ATP2B2: variants seen among roughly 807,000 people sequenced by gnomAD.
ATP2B2 encodes the protein ATPase plasma membrane Ca2+ transporting 2, also known as plasma membrane calcium-transporting ATPase 2.
A neutral mutation model predicts 120.0 loss-of-function variants in ATP2B2; 15 were observed. The ratio of observed to expected loss-of-function variants is 0.12; its 90% confidence interval spans 0.08 to 0.19. ATP2B2 has a LOEUF of 0.19. Among genes scored for constraint, ATP2B2 ranks in the 10% least tolerant of loss-of-function variants. The probability of loss-of-function intolerance (pLI) is 1.00; values close to 1 mark genes in which losing one functional copy is unlikely to be tolerated. For missense variants in ATP2B2, 1,045 were observed against 1,719.8 expected (o/e 0.61, Z 6.94); for synonymous variants, 694 against 700.3 (o/e 0.99, Z 0.14).
chr3:10,654,113 T>C (rs1225553625), intron 1 of ATP2B2, among the ~76,000 whole-genome samples: 1 of 152,196 alleles, frequency 6.6e-6, no homozygotes, highest in Non-Finnish European at 1.5e-5. Flanking sequence ...GAGGCAGGCT[T>C]TGTTGTTCTC....
At chr3:10,659,161 C>T (rs1320235291) in intron 1 of ATP2B2, among the ~76,000 whole-genome samples, 9 of 152,118 alleles carry the variant, frequency 5.9e-5, no homozygotes, top group Admixed American at 2.0e-4. Context: ...TAAAGACCAT[C>T]GATGCTAGGA....
At position 10,438,056 on chromosome 3, in the gene ATP2B2, C is replaced by G. The variant is rs2063533906; in HGVS notation, c.199+11289G>C. ...GGCTCTGCAGGGAGCCAGGAGGTTG[C>G]AGGGGAGAGCAGGGAGGGGGGTGGC... is the stretch of plus-strand genomic sequence containing the variant. On this transcript the variant is annotated intron_variant, in intron 2 of 22. Coordinates refer to ENST00000360273, the MANE Select transcript of ATP2B2 (RefSeq NM_001001331.4). Among the ~76,000 whole-genome samples, 3 of 152,028 alleles carry G rather than the reference C, an allele frequency of 2.0e-5. No homozygotes were observed. The South Asian group carries it at 6.2e-4, about 32-fold the overall frequency.
At chr3:10,469,563 G>C (rs2125273334) in intron 1 of ATP2B2, among the ~76,000 whole-genome samples, 3 of 152,336 alleles carry the variant, frequency 2.0e-5, no homozygotes, top group Admixed American at 2.0e-4. Flanking sequence ...GGGGGTCAGG[G>C]AATTCTCCAT....
chr3:10,359,267 C>T lies in ATP2B2; in HGVS notation c.1902-342G>A, dbSNP rs537272645. On this transcript the variant is annotated intron_variant, in intron 13 of 22. Transcript: ENST00000360273. ...TGCTTGGAGGAGCCTTTAATAAATA[C>T]CCACGTGCGAGCCTTGCCCCAGAGG... is the stretch of plus-strand genomic sequence containing the variant. Among the ~76,000 whole-genome samples, 4 of 152,306 alleles carry T rather than the reference C, an allele frequency of 2.6e-5. No individual in the cohort carries two copies. The South Asian group carries it at 8.3e-4, about 32-fold the overall frequency.
At chr3:10,460,382 T>G (rs2064437341) in intron 1 of ATP2B2, among the ~76,000 whole-genome samples, 1 of 152,010 alleles carries the variant, frequency 6.6e-6, no homozygotes, top group Non-Finnish European at 1.5e-5. Context: ...AAGGACAACA[T>G]GTGAAGGAGC....
At chr3:10,578,341 G>C (rs987305380) in intron 2 of ATP2B2, among the ~76,000 whole-genome samples, 2 of 151,460 alleles carry the variant, frequency 1.3e-5, no homozygotes, top group Non-Finnish European at 2.9e-5. Context: ...ATAGGAGATC[G>C]AGATCATCCT....
chr3:10,489,646 C>T (rs1051838682), intron 1 of ATP2B2, among the ~76,000 whole-genome samples: 7 of 152,154 alleles, frequency 4.6e-5, no homozygotes, highest in African/African-American at 1.7e-4. Flanking sequence ...CCATGCCTCC[C>T]CTCTCCCTGC....
chr3:10,647,225 A>AT (rs1161090602), intron 1 of ATP2B2, among the ~76,000 whole-genome samples: 1 of 152,100 alleles, frequency 6.6e-6, no homozygotes, highest in African/African-American at 2.4e-5. Flanking sequence ...TGGCAGGGAA[A>AT]TGGGCCCACT....
rs1443382106 is a variant in ATP2B2, at chr3:10,347,618, T to C, written c.2405-1481A>G. Among the ~76,000 whole-genome samples, 5 of 152,188 alleles carry C rather than the reference T, an allele frequency of 3.3e-5. No individual in the cohort carries two copies. The highest frequency in any genetic ancestry group is 7.4e-5 in the Non-Finnish European group (5 of 68,012). Reference sequence around the variant, plus strand: ...ACCCCTCAGTTCCACCGTCCTGGACTCAGCCTCCCCAAGCTTGTCCCCTTG... The same window carrying C: ...ACCCCTCAGTTCCACCGTCCTGGACCCAGCCTCCCCAAGCTTGTCCCCTTG... On this transcript the variant is annotated intron_variant, in intron 16 of 22. Transcript: ENST00000360273. This position sits in a 1 kb window ranked among gnomAD's most constrained non-coding sequence, Gnocchi z 5.2.
chr3:10,338,811 C>T (rs1024113204), intron 21 of ATP2B2: 2 of 247,206 alleles, frequency 8.1e-6, no homozygotes, highest in Non-Finnish European at 1.6e-5. Context: ...ACTCGTCCTG[C>T]ATGAGCCTGG....
chr3:10,481,442 C>T (rs899182839), intron 1 of ATP2B2, among the ~76,000 whole-genome samples: 5 of 152,260 alleles, frequency 3.3e-5, no homozygotes, highest in African/African-American at 1.2e-4. Context: ...AGGCAGTGCC[C>T]GCTCAAATGG....
chr3:10,653,456 C>G (rs1346243451), intron 1 of ATP2B2, among the ~76,000 whole-genome samples: 7 of 152,154 alleles, frequency 4.6e-5, no homozygotes, highest in African/African-American at 1.7e-4. Flanking sequence ...AGTTGAGGGA[C>G]CCACTTGGGG....
At chr3:10,363,087 T>A (rs2060947324) in intron 12 of ATP2B2, among the ~76,000 whole-genome samples, 1 of 152,218 alleles carries the variant, frequency 6.6e-6, no homozygotes, top group Non-Finnish European at 1.5e-5. Flanking sequence ...TTTATTACCC[T>A]CTGTGAAATA....
chr3:10,399,388 G>T (rs918655195), intron 5 of ATP2B2, among the ~76,000 whole-genome samples: 19 of 152,192 alleles, frequency 1.2e-4, no homozygotes, highest in Non-Finnish European at 2.4e-4. Context: ...TCTGATTTTA[G>T]GTCAAATGCA....
intron 2 of ATP2B2, among the ~76,000 whole-genome samples, chr3:10,550,022 T>C: frequency 6.6e-6 from 1 of 152,246 alleles, no homozygotes; most frequent in South Asian, 2.1e-4. Flanking sequence ...TCTCATATCT[T>C]GCTATGGGAT....
chr3:10,671,464 G>C (rs2071094177), intron 1 of ATP2B2, among the ~76,000 whole-genome samples: 1 of 152,140 alleles, frequency 6.6e-6, no homozygotes, highest in Admixed American at 6.5e-5. Context: ...CCTCGGCCCA[G>C]TTTCAGCCCC....
At chr3:10,534,897 G>GT (rs1575469574) in intron 2 of ATP2B2, among the ~76,000 whole-genome samples, 1 of 125,986 alleles carries the variant, frequency 7.9e-6, no homozygotes, top group East Asian at 2.3e-4. Context: ...TCATTTATTT[G>GT]GTTTTTTTTT....
intron 3 of ATP2B2, among the ~76,000 whole-genome samples, chr3:10,510,803 T>C (rs891026657): frequency 1.3e-5 from 2 of 152,220 alleles, no homozygotes; most frequent in African/African-American, 4.8e-5. Flanking sequence ...CATGGTCTCA[T>C]CTGCGCTGCC....
At chr3:10,593,077 C>T (rs571468110) in intron 2 of ATP2B2, among the ~76,000 whole-genome samples, 83 of 152,354 alleles carry the variant, frequency 5.4e-4, no homozygotes, top group African/African-American at 1.7e-3. Flanking sequence ...TGAACCACCA[C>T]GCCCAGCCCA....
Sources: allele counts gnomAD v4.1 joint callset (sites outside exome capture counted in the v4.1 genomes callset), GRCh38; gene constraint gnomAD v4.1.1; non-coding constraint Gnocchi (gnomAD v3.1); transcripts MANE v1.5; gene names NCBI Gene and HGNC (gene_info 2026-07-23, HGNC 2026-07-21).